RPS6KC1: variants seen among roughly 807,000 people sequenced by gnomAD.
RPS6KC1 encodes ribosomal protein S6 kinase C1, also known as inactive ribosomal protein S6 kinase delta-1.
In RPS6KC1, 54 loss-of-function variants were observed where a neutral mutation model predicts 103.8. The ratio of observed to expected loss-of-function variants is 0.52; its 90% confidence interval spans 0.42 to 0.65. RPS6KC1 has a LOEUF of 0.65. Ranked by LOEUF, RPS6KC1 falls within the 30% of genes least tolerant of loss-of-function variation. RPS6KC1 has a pLI of 0.00. For synonymous variants in RPS6KC1, 439 were observed against 438.7 expected (o/e 1.00, Z -0.01); for missense variants, 1,151 against 1,253.8 (o/e 0.92, Z 1.24).
chr1:213,523,577 G>T, the RPS6KC1 span, among the ~76,000 whole-genome samples: 1 of 152,188 alleles, frequency 6.6e-6, no homozygotes, highest in African/African-American at 2.4e-5. Context: ...TTAGCACTGT[G>T]CCCAGAACAC....
chr1:213,424,701 C>T, the RPS6KC1 span, among the ~76,000 whole-genome samples: 17 of 152,270 alleles, frequency 1.1e-4, no homozygotes, highest in Non-Finnish European at 2.2e-4. Context: ...CAGGATTTCA[C>T]ACCCTATTTC....
chr1:213,351,743 C>T, the RPS6KC1 span, among the ~76,000 whole-genome samples: 1 of 152,124 alleles, frequency 6.6e-6, no homozygotes, highest in African/African-American at 2.4e-5. Flanking sequence ...ACTTCTGGAA[C>T]TCTAAAGGTG....
At chr1:213,702,851 T>TTTTTTG in the RPS6KC1 span, among the ~76,000 whole-genome samples, 497 of 151,344 alleles carry the variant, frequency 3.3e-3, 5 homozygotes, top group Middle Eastern at 0.01. Context: ...TTGAGGTTTT[T>TTTTTTG]TTTGTTTGTT....
At chr1:213,628,385 T>C in the RPS6KC1 span, among the ~76,000 whole-genome samples, 5 of 152,224 alleles carry the variant, frequency 3.3e-5, no homozygotes, top group African/African-American at 4.8e-5. Context: ...CCTGGATTTA[T>C]GGATTTTTTG....
chr1:213,251,699 T>C (rs2094549405), intron 12 of RPS6KC1, among the ~76,000 whole-genome samples: 1 of 152,056 alleles, frequency 6.6e-6, no homozygotes, highest in African/African-American at 2.4e-5. Flanking sequence ...GCATGCTCAA[T>C]GGAACTTAAA....
the RPS6KC1 span, among the ~76,000 whole-genome samples, chr1:213,513,805 G>C: frequency 2.0e-5 from 3 of 152,072 alleles, no homozygotes; most frequent in Admixed American, 2.0e-4. Flanking sequence ...GTGGAGAGGT[G>C]GTGCAATGAC....
chr1:213,519,929 A>G, the RPS6KC1 span, among the ~76,000 whole-genome samples: 2 of 152,188 alleles, frequency 1.3e-5, no homozygotes, highest in Non-Finnish European at 2.9e-5. Context: ...AGTTTTTCCC[A>G]CACTGCAGAT....
the RPS6KC1 span, among the ~76,000 whole-genome samples, chr1:213,598,689 A>G: frequency 6.6e-5 from 10 of 152,120 alleles, no homozygotes; most frequent in African/African-American, 2.2e-4. Flanking sequence ...AGGCCGAGGC[A>G]GGCAGATCAC....
At chr1:213,807,400 G>A in the RPS6KC1 span, among the ~76,000 whole-genome samples, 30 of 152,248 alleles carry the variant, frequency 2.0e-4, 1 homozygote, top group Admixed American at 1.4e-3. Context: ...CATTCTCCCC[G>A]TCACTTTCAG....
intron 4 of RPS6KC1, among the ~76,000 whole-genome samples, chr1:213,113,195 C>G (rs1387414596): frequency 1.1e-4 from 16 of 151,658 alleles, no homozygotes; most frequent in African/African-American, 3.9e-4. Context: ...TAAAAGTGTT[C>G]CTATTTCTCC....
the RPS6KC1 span, among the ~76,000 whole-genome samples, chr1:213,605,359 T>G: frequency 6.6e-6 from 1 of 152,378 alleles, no homozygotes; most frequent in East Asian, 1.9e-4. Flanking sequence ...TCTCAAGTTT[T>G]GGAATCAGGA....
chr1:213,217,563 C>A (rs935437132), intron 8 of RPS6KC1, among the ~76,000 whole-genome samples: 1 of 152,172 alleles, frequency 6.6e-6, no homozygotes, highest in Non-Finnish European at 1.5e-5. Flanking sequence ...GACAGAGACA[C>A]AACAACAAAA....
chr1:213,846,880 T>C, the RPS6KC1 span, among the ~76,000 whole-genome samples: 1 of 152,198 alleles, frequency 6.6e-6, no homozygotes, highest in South Asian at 2.1e-4. Context: ...TTAATTTCCC[T>C]CTTCATAGGA....
At chr1:213,181,706 A>G (rs1426282561) in intron 8 of RPS6KC1, among the ~76,000 whole-genome samples, 2 of 152,242 alleles carry the variant, frequency 1.3e-5, no homozygotes, top group Non-Finnish European at 2.9e-5. Context: ...CTAAAAGGAA[A>G]GAACTATCAA....
intron 6 of RPS6KC1, among the ~76,000 whole-genome samples, chr1:213,152,425 C>T (rs1276221459): frequency 2.9e-4 from 43 of 149,764 alleles, no homozygotes; most frequent in African/African-American, 7.6e-4. Flanking sequence ...CGGGCGGAGA[C>T]GCTCCTCACT....
At chr1:213,452,648 G>A in the RPS6KC1 span, among the ~76,000 whole-genome samples, 1 of 152,114 alleles carries the variant, frequency 6.6e-6, no homozygotes, top group African/African-American at 2.4e-5. Context: ...GACCAGCAGA[G>A]GCTGTGGCCA....
chr1:213,534,910 C>A, the RPS6KC1 span, among the ~76,000 whole-genome samples: 1 of 152,296 alleles, frequency 6.6e-6, no homozygotes, highest in East Asian at 1.9e-4. Context: ...ATGCTCTCAG[C>A]GTCACTGCCA....
At chr1:213,617,088 A>C in the RPS6KC1 span, among the ~76,000 whole-genome samples, 1 of 152,216 alleles carries the variant, frequency 6.6e-6, no homozygotes, top group East Asian at 1.9e-4. Context: ...TTATTTTACT[A>C]CTTCATTTCT....
the RPS6KC1 span, among the ~76,000 whole-genome samples, chr1:213,622,419 A>C: frequency 1.1e-4 from 16 of 152,196 alleles, no homozygotes; most frequent in Middle Eastern, 3.4e-3. Context: ...CCTTTCTCCC[A>C]TGTCAGTGGG....
Sources: allele counts gnomAD v4.1 joint callset (sites outside exome capture counted in the v4.1 genomes callset), GRCh38; gene constraint gnomAD v4.1.1; transcripts MANE v1.5; gene names NCBI Gene and HGNC (gene_info 2026-07-23, HGNC 2026-07-21).